Variants in LRRTM4 observed in about 807,000 individuals in gnomAD.
LRRTM4 encodes leucine-rich repeat transmembrane neuronal protein 4.
Under a neutral mutation model 47.6 loss-of-function variants are expected in LRRTM4, and 25 were observed. The observed-to-expected ratio is 0.53, with a 90% CI of 0.38 to 0.73. The LOEUF is 0.73. Ranked by LOEUF, LRRTM4 falls within the 30% of genes least tolerant of loss-of-function variation. The probability of loss-of-function intolerance (pLI) is 0.00; values close to 1 mark genes in which losing one functional copy is unlikely to be tolerated. For synonymous variants in LRRTM4, 311 were observed against 269.5 expected (o/e 1.15, Z -1.51); for missense variants, 638 against 713.4 (o/e 0.89, Z 1.20).
chr2:77,047,521 A>G (rs1017708976), intron 3 of LRRTM4, among the ~76,000 whole-genome samples: 1 of 151,936 alleles, frequency 6.6e-6, no homozygotes, highest in Non-Finnish European at 1.5e-5. Flanking sequence ...CTAGCTAGCA[A>G]TCTTTGGCAT....
At chr2:76,931,019 T>A (rs966946528) in intron 3 of LRRTM4, among the ~76,000 whole-genome samples, 1 of 152,162 alleles carries the variant, frequency 6.6e-6, no homozygotes, top group Non-Finnish European at 1.5e-5. Flanking sequence ...AGACCTTGTA[T>A]GATTTTTGAG....
intron 3 of LRRTM4, among the ~76,000 whole-genome samples, chr2:77,161,907 G>C (rs554303911): frequency 6.6e-6 from 1 of 152,254 alleles, no homozygotes; most frequent in South Asian, 2.1e-4. Flanking sequence ...TCTTCATGGA[G>C]GCTCCAAGAT....
intron 3 of LRRTM4, among the ~76,000 whole-genome samples, chr2:76,922,128 G>A (rs1674451040): frequency 1.3e-5 from 2 of 152,054 alleles, no homozygotes; most frequent in Admixed American, 1.3e-4. Context: ...TTTTCCATGT[G>A]AAATAAGCTA....
chr2:76,773,252 C>G (rs930834258), intron 3 of LRRTM4, among the ~76,000 whole-genome samples: 2 of 152,240 alleles, frequency 1.3e-5, no homozygotes. Flanking sequence ...ATGGCCTAAT[C>G]ACATTTATCA....
intron 3 of LRRTM4, among the ~76,000 whole-genome samples, chr2:77,501,071 G>T (rs561551138): frequency 4.6e-5 from 7 of 150,808 alleles, no homozygotes; most frequent in African/African-American, 1.2e-4. Flanking sequence ...AGGATAAAAG[G>T]CAATAGAAAA....
chr2:77,171,078 A>T (rs1277435138), intron 3 of LRRTM4, among the ~76,000 whole-genome samples: 1 of 151,928 alleles, frequency 6.6e-6, no homozygotes, highest in East Asian at 1.9e-4. Flanking sequence ...TATATATGTA[A>T]ACCTTACTTA....
intron 3 of LRRTM4, among the ~76,000 whole-genome samples, chr2:76,922,500 A>G (rs1015655949): frequency 3.3e-5 from 5 of 152,064 alleles, no homozygotes; most frequent in Non-Finnish European, 7.4e-5. Context: ...CCCCTGACAC[A>G]CGGGAATTAT....
chr2:77,498,675 T>C (rs1217228586), intron 3 of LRRTM4, among the ~76,000 whole-genome samples: 3 of 151,820 alleles, frequency 2.0e-5, no homozygotes, highest in Non-Finnish European at 2.9e-5. Context: ...TAGCATGTAC[T>C]TACTTACTCC....
At chr2:76,795,753 A>T (rs2103739680) in intron 3 of LRRTM4, among the ~76,000 whole-genome samples, 1 of 152,238 alleles carries the variant, frequency 6.6e-6, no homozygotes, top group Non-Finnish European at 1.5e-5. Context: ...TGAGGCCAAC[A>T]TTACCCTGAC....
intron 3 of LRRTM4, among the ~76,000 whole-genome samples, chr2:76,977,214 T>C (rs950511913): frequency 6.6e-6 from 1 of 151,528 alleles, no homozygotes; most frequent in Non-Finnish European, 1.5e-5. Flanking sequence ...TCAGCAACCA[T>C]CCTTTTTTAC....
intron 3 of LRRTM4, among the ~76,000 whole-genome samples, chr2:76,858,325 C>T (rs61202596): frequency 0.021 from 3,141 of 152,290 alleles, 120 homozygotes; most frequent in African/African-American, 0.065. Context: ...TCCCACCTGA[C>T]TCTTTTCAAA....
At chr2:76,909,048 C>A (rs574310444) in intron 3 of LRRTM4, among the ~76,000 whole-genome samples, 1 of 152,176 alleles carries the variant, frequency 6.6e-6, no homozygotes, top group South Asian at 2.1e-4. Context: ...CAATCCTAAG[C>A]CAAAAGAACA....
At chr2:76,974,159 TATATATATACATAC>T (rs1371804762) in intron 3 of LRRTM4, among the ~76,000 whole-genome samples, 31 of 132,772 alleles carry the variant, frequency 2.3e-4, no homozygotes, top group South Asian at 1.5e-3. Context: ...TACATACATA[TATATATATACATAC>T]ATATATATAC....
At chr2:76,928,423 C>T (rs1282300609) in intron 3 of LRRTM4, among the ~76,000 whole-genome samples, 1 of 152,068 alleles carries the variant, frequency 6.6e-6, no homozygotes, top group Non-Finnish European at 1.5e-5. Flanking sequence ...TTTGTGGTTG[C>T]AAGATCAAAT....
At chr2:77,236,065 G>A (rs903407320) in intron 3 of LRRTM4, among the ~76,000 whole-genome samples, 1 of 151,944 alleles carries the variant, frequency 6.6e-6, no homozygotes, top group African/African-American at 2.4e-5. Context: ...AAATGATGTT[G>A]GTAATTTGAT....
chr2:76,968,393 T>C (rs1329936055), intron 3 of LRRTM4, among the ~76,000 whole-genome samples: 2 of 133,016 alleles, frequency 1.5e-5, no homozygotes, highest in Admixed American at 1.6e-4. Flanking sequence ...TACACATACA[T>C]ACATACATAT....
intron 3 of LRRTM4, among the ~76,000 whole-genome samples, chr2:77,107,244 AAC>A (rs1671115313): frequency 7.3e-6 from 1 of 137,462 alleles, no homozygotes; most frequent in Non-Finnish European, 1.5e-5. Context: ...TTAAAAAGAA[AAC>A]ACATTTAATA....
At chr2:77,105,453 G>C (rs1047888001) in intron 3 of LRRTM4, among the ~76,000 whole-genome samples, 5 of 135,798 alleles carry the variant, frequency 3.7e-5, no homozygotes, top group African/African-American at 1.4e-4. Flanking sequence ...GGTGGGAATT[G>C]AACAATGAGA....
chr2:76,886,530 T>C (rs770475465), intron 3 of LRRTM4, among the ~76,000 whole-genome samples: 1 of 151,974 alleles, frequency 6.6e-6, no homozygotes, highest in Non-Finnish European at 1.5e-5. Context: ...TGAGTTAATA[T>C]GGAAGAAAAA....
Sources: allele counts gnomAD v4.1 joint callset (sites outside exome capture counted in the v4.1 genomes callset), GRCh38; gene constraint gnomAD v4.1.1; transcripts MANE v1.5; gene names NCBI Gene and HGNC (gene_info 2026-07-23, HGNC 2026-07-21).